The following GRM4 variants were observed in gnomAD, a reference collection of about 807,000 sequenced individuals.
GRM4 encodes the protein glutamate metabotropic receptor 4.
A neutral mutation model predicts 81.7 loss-of-function variants in GRM4; 28 were observed. That is an observed-to-expected ratio of 0.34 (90% CI 0.25 to 0.47). The LOEUF is 0.47. Among genes scored for constraint, GRM4 ranks in the 20% least tolerant of loss-of-function variants. The probability of loss-of-function intolerance (pLI) is 1.00; values close to 1 mark genes in which losing one functional copy is unlikely to be tolerated. For synonymous variants in GRM4, 488 were observed against 528.8 expected, an observed-to-expected ratio of 0.92 and a Z score of 1.06; for missense variants, 948 against 1,290.0, an observed-to-expected ratio of 0.73 and a Z score of 4.06.
chr6:34,113,222 G>C (rs1259675894), intron 2 of GRM4, among the ~76,000 whole-genome samples: 5 of 151,044 alleles, frequency 3.3e-5, no homozygotes, highest in Non-Finnish European at 2.9e-5. Flanking sequence ...TGCAATGACA[G>C]CTCACTACAG....
chr6:34,149,041 GA>G (rs536463874), upstream of GRM4, among the ~76,000 whole-genome samples: 61 of 152,274 alleles, frequency 4.0e-4, no homozygotes, highest in African/African-American at 1.3e-3. Flanking sequence ...GTGTGACCTG[GA>G]AGTTCTTCCT....
chr6:34,078,230 G>A lies in GRM4; in HGVS notation c.736+13653C>T, dbSNP rs1432861898. On this transcript the variant is annotated intron_variant, in intron 3 of 10. Transcript: ENST00000538487. The surrounding 1 kb of genome is among the most constrained non-coding windows in gnomAD (Gnocchi z 4.8). ...CCATCTCCAGCTCCTGTTCCTCTGCGCTTCCTGTCTTCCCCTACTCTCTCC... is the reference window on the plus strand; with the variant it reads ...CCATCTCCAGCTCCTGTTCCTCTGCACTTCCTGTCTTCCCCTACTCTCTCC... Among the ~76,000 whole-genome samples the A allele has an allele frequency of 1.3e-5, 2 of 152,044 alleles. No individual in the cohort carries two copies. The highest frequency in any genetic ancestry group is 6.5e-5 in the Admixed American group (1 of 15,282).
At chr6:34,109,284 C>T (rs1769265855) in intron 2 of GRM4, among the ~76,000 whole-genome samples, 2 of 152,192 alleles carry the variant, frequency 1.3e-5, no homozygotes, top group Admixed American at 1.3e-4. Flanking sequence ...TCTGAGCTGA[C>T]CCACTCTGAG....
At chr6:34,145,552 G>A (rs1423600152) in intron 1 of GRM4, among the ~76,000 whole-genome samples, 1 of 152,076 alleles carries the variant, frequency 6.6e-6, no homozygotes, top group Non-Finnish European at 1.5e-5. Context: ...ACAGCAGCAG[G>A]AAAAAAAATG....
upstream of GRM4, among the ~76,000 whole-genome samples, chr6:34,148,407 C>CAGAG (rs10653989): frequency 0.99 from 150,823 of 151,986 alleles, 74,845 homozygotes; most frequent in Middle Eastern, 1. Context: ...GACACACACA[C>CAGAG]AGACACATAG....
At position 34,074,851 on chromosome 6, in the gene GRM4, T is replaced by C. The variant is rs1024800491; in HGVS notation, c.737-12823A>G. Among the ~76,000 whole-genome samples, 5 of 152,176 alleles carry C rather than the reference T, an allele frequency of 3.3e-5. No homozygotes were observed. The highest frequency in any genetic ancestry group is 7.4e-5 in the Non-Finnish European group (5 of 68,024). ...AGGACACAAAGAGATGGCTGGTTCC[T>C]GGCCCCCACCAAAAGCCCCCCAGAG... On this transcript the variant is annotated intron_variant, in intron 3 of 10. Coordinates refer to ENST00000538487, the MANE Select transcript of GRM4 (RefSeq NM_000841.4). The surrounding 1 kb of genome is among the most constrained non-coding windows in gnomAD (Gnocchi z 4.9).
chr6:34,132,924 C>A, intron 2 of GRM4, 54 bp downstream of exon 2: 1 of 1,448,306 alleles, frequency 6.9e-7, no homozygotes, highest in Non-Finnish European at 9.4e-7. Context: ...TGAAGTGGGG[C>A]GGGCAGAGTC....
At chr6:34,033,695 CTCTTTCTCTT>C (rs1338201217) in intron 9 of GRM4, among the ~76,000 whole-genome samples, 4 of 151,186 alleles carry the variant, frequency 2.6e-5, no homozygotes, top group African/African-American at 7.3e-5. Flanking sequence ...CTCTCTCTCT[CTCTTTCTCTT>C]TCTTTCTCTC....
rs546749763 is a variant in GRM4 at position 34,070,916 on chromosome 6, A to G, written c.737-8888T>C. 6.6e-6 allele frequency among the ~76,000 whole-genome samples: 1 copy of G among 151,826 alleles called. No individual in the cohort carries two copies. The highest frequency in any genetic ancestry group is 2.1e-4 in the South Asian group (1 of 4,810). On this transcript the variant is annotated intron_variant, in intron 3 of 10. Coordinates refer to ENST00000538487, the MANE Select transcript of GRM4 (RefSeq NM_000841.4). The surrounding 1 kb of genome is among the most constrained non-coding windows in gnomAD (Gnocchi z 4.6). Reference sequence around the variant, plus strand: ...GCTCACCAGGGACACAGCTCCCATCACACTTATGGACCCACTAAGAACCTC... The same window carrying G: ...GCTCACCAGGGACACAGCTCCCATCGCACTTATGGACCCACTAAGAACCTC...
chr6:34,059,043 G>T lies in GRM4; in HGVS notation c.958C>A (p.Pro320Thr), dbSNP rs771839967. The T allele has an allele frequency of 6.2e-7, 1 of 1,613,682 alleles. No homozygotes were observed. Among genetic ancestry groups the T allele is most frequent in the Non-Finnish European group, 8.5e-7 (1 of 1,179,830 alleles). Residue 320 changes from proline (P) to threonine (T), a missense_variant, in exon 5 of 11, where the codon CCT (proline) becomes ACT (threonine). Pro to Thr is a conservative substitution (Grantham distance 38, BLOSUM62 -1). Transcript: ENST00000538487. This position sits in a 1 kb window ranked among gnomAD's most constrained non-coding sequence, Gnocchi z 5.7. Reference sequence around the variant, plus strand: ...GCCACCTCCTCCAGGTGCAGCACAGGTGCAATCTTGGAGCCCCAGCTGTCA... The same window carrying T: ...GCCACCTCCTCCAGGTGCAGCACAGTTGCAATCTTGGAGCCCCAGCTGTCA... Reference protein sequence around the residue: ...GSDSWGSKIAPVLHLEEVAEG... With the variant: ...GSDSWGSKIATVLHLEEVAEG...
At chr6:34,084,109 A>G (rs1767755203) in intron 3 of GRM4, among the ~76,000 whole-genome samples, 1 of 152,184 alleles carries the variant, frequency 6.6e-6, no homozygotes, top group Non-Finnish European at 1.5e-5. Context: ...CTTTGCTCTC[A>G]TGAAGGATGC....
rs867417285 is a variant in GRM4, at chr6:34,080,891, A to C, written c.736+10992T>G. On this transcript the variant is annotated intron_variant, in intron 3 of 10. Coordinates refer to ENST00000538487, the MANE Select transcript of GRM4 (RefSeq NM_000841.4). The surrounding 1 kb of genome is among the most constrained non-coding windows in gnomAD (Gnocchi z 5.4). ...ACATATACACACACACACACACACA[A>C]CCCTTACCATGCCAAGGTCTTCCAA... 7.7e-6 allele frequency among the ~76,000 whole-genome samples: 1 copy of C among 129,304 alleles called. No homozygotes were observed. The highest frequency in any genetic ancestry group is 2.9e-5 in the African/African-American group (1 of 34,484). The allele number at this position is 129,304 out of a possible 152,430, so 84.8% of individuals were successfully genotyped here.
rs1581592320 is a variant in GRM4, at chr6:34,034,775, C to T, written c.2442+893G>A. 6.6e-6 allele frequency among the ~76,000 whole-genome samples: 1 copy of T among 152,222 alleles called. No individual in the cohort carries two copies. On this transcript the variant is annotated intron_variant, in intron 9 of 10. Transcript: ENST00000538487. The surrounding 1 kb of genome is among the most constrained non-coding windows in gnomAD (Gnocchi z 4.0). ...GGGAGGCCAACTGGCTTGCCCAGAT[C>T]CCACACTTATACATGGCACTCAGAC...
chr6:34,053,862 T>A (rs1765730877), intron 6 of GRM4, among the ~76,000 whole-genome samples: 1 of 152,170 alleles, frequency 6.6e-6, no homozygotes, highest in Admixed American at 6.5e-5. Context: ...TAAACACACA[T>A]TAAAATCACC....
chr6:34,125,493 C>T (rs1052236899), intron 2 of GRM4, among the ~76,000 whole-genome samples: 1 of 152,228 alleles, frequency 6.6e-6, no homozygotes, highest in African/African-American at 2.4e-5. Flanking sequence ...ACAGTCTTAT[C>T]AACCTGCTGG....
chr6:34,069,470 G>C lies in GRM4; in HGVS notation c.737-7442C>G, dbSNP rs951745898. On this transcript the variant is annotated intron_variant, in intron 3 of 10. Transcript: ENST00000538487. This position sits in a 1 kb window ranked among gnomAD's most constrained non-coding sequence, Gnocchi z 6.4. ...GGCTGCTCCAGAGTGAGCTGGGTGCGGGACACACGAGGGCTGGGCTGGCTC... is the reference window on the plus strand; with the variant it reads ...GGCTGCTCCAGAGTGAGCTGGGTGCCGGACACACGAGGGCTGGGCTGGCTC... 6.6e-6 allele frequency among the ~76,000 whole-genome samples: 1 copy of C among 152,126 alleles called. No homozygotes were observed. Among genetic ancestry groups the C allele is most frequent in the South Asian group, 2.1e-4 (1 of 4,826 alleles).
At chr6:34,065,658 C>G (rs1766420443) in intron 3 of GRM4, among the ~76,000 whole-genome samples, 1 of 152,112 alleles carries the variant, frequency 6.6e-6, no homozygotes, top group Non-Finnish European at 1.5e-5. Context: ...CCGAATGCCA[C>G]TTGCCAGCTG....
intron 6 of GRM4, among the ~76,000 whole-genome samples, chr6:34,044,343 T>G (rs1251389932): frequency 7.5e-6 from 1 of 132,874 alleles, no homozygotes; most frequent in Non-Finnish European, 1.6e-5. Context: ...CAGACATACA[T>G]ACATACACAT....
At chr6:34,072,472 A>G (rs1341018268) in intron 3 of GRM4, among the ~76,000 whole-genome samples, 3 of 144,288 alleles carry the variant, frequency 2.1e-5, no homozygotes, top group African/African-American at 7.9e-5. Context: ...CACCATACAG[A>G]TACACACCCA....
Sources: allele counts gnomAD v4.1 joint callset (sites outside exome capture counted in the v4.1 genomes callset), GRCh38; gene constraint gnomAD v4.1.1; non-coding constraint Gnocchi (gnomAD v3.1); transcripts MANE v1.5; gene names NCBI Gene and HGNC (gene_info 2026-07-23, HGNC 2026-07-21).